Variants in PRKN observed in about 807,000 individuals in gnomAD.
PRKN encodes parkin RBR E3 ubiquitin protein ligase.
Under a neutral mutation model 59.5 loss-of-function variants are expected in PRKN, and 56 were observed. That is an observed-to-expected ratio of 0.94 (90% CI 0.76 to 1.18). PRKN has a LOEUF of 1.18. PRKN is among the 50% of genes most tolerant of loss of function. PRKN has a pLI of 0.00. For missense variants in PRKN, 657 were observed against 596.4 expected (o/e 1.10, Z -1.06); for synonymous variants, 250 against 222.1 (o/e 1.13, Z -1.12).
chr6:161,771,370 A>T (rs1280635698), intron 7 of PRKN, among the ~76,000 whole-genome samples: 2 of 19,022 alleles, frequency 1.1e-4, no homozygotes, highest in Admixed American at 4.3e-4. Flanking sequence ...AAAAAAAAAA[A>T]ATAAAATAAA....
intron 4 of PRKN, among the ~76,000 whole-genome samples, chr6:162,142,432 A>G (rs1781827709): frequency 6.6e-6 from 1 of 152,180 alleles, no homozygotes; most frequent in East Asian, 1.9e-4. Flanking sequence ...AATAATGGAG[A>G]TGAGCATCGT....
In PRKN at chr6:162,253,049, C is replaced by T. The variant is rs117501603; in HGVS notation, c.412+9476G>A. On this transcript the variant is annotated intron_variant, in intron 3 of 11. Coordinates refer to ENST00000366898, the MANE Select transcript of PRKN (RefSeq NM_004562.3). ...GCGGGCAGCCTACCACCTGCGTGTG[C>T]TATTCTGGTGGCCAGGACGCTGTTG... 1.3e-3 allele frequency among the ~76,000 whole-genome samples: 196 copies of T among 152,314 alleles called. 1 individual carries two copies. Among genetic ancestry groups the T allele is most frequent in the Non-Finnish European group, 2.5e-3 (170 of 68,024 alleles).
chr6:162,014,407 C>T (rs1782854626), intron 5 of PRKN, among the ~76,000 whole-genome samples: 1 of 152,186 alleles, frequency 6.6e-6, no homozygotes, highest in African/African-American at 2.4e-5. Context: ...CTTCAGGCGC[C>T]TCTGCAGAGG....
At chr6:161,772,235 C>G (rs1162126398) in intron 7 of PRKN, among the ~76,000 whole-genome samples, 5 of 152,128 alleles carry the variant, frequency 3.3e-5, no homozygotes, top group Non-Finnish European at 5.9e-5. Flanking sequence ...GCCTCAGATA[C>G]ACTTAAATTG....
rs566889020 is a variant in PRKN at position 162,572,123 on chromosome 6, T to C, written c.8-128650A>G. Among the ~76,000 whole-genome samples, 3 of 152,278 alleles carry C rather than the reference T, an allele frequency of 2.0e-5. No homozygotes were observed. In the East Asian group the frequency reaches 5.8e-4, roughly 29 times the overall value. On this transcript the variant is annotated intron_variant, in intron 1 of 11. Coordinates refer to ENST00000366898, the MANE Select transcript of PRKN (RefSeq NM_004562.3). ...AGCTCTGGCCCTCTATTACCCCCTT[T>C]AGGTACTGTCTCACCTGTCCCAAAT...
In PRKN at chr6:161,488,926, C is replaced by G. The variant is rs186370804; in HGVS notation, c.1083+59928G>C. ...AAGGCAATGGAAAATAGAACACAGA[C>G]CCTTGGAGATGAAGAGGTCACGATT... On this transcript the variant is annotated intron_variant, in intron 9 of 11. Transcript: ENST00000366898. The surrounding 1 kb of genome is among the most constrained non-coding windows in gnomAD (Gnocchi z 4.5). Among the ~76,000 whole-genome samples the G allele has an allele frequency of 6.6e-6, 1 of 152,132 alleles. No homozygotes were observed. Among genetic ancestry groups the G allele is most frequent in the Non-Finnish European group, 1.5e-5 (1 of 68,028 alleles).
chr6:161,665,716 A>G (rs953517019), intron 7 of PRKN, among the ~76,000 whole-genome samples: 1 of 152,194 alleles, frequency 6.6e-6, no homozygotes, highest in Non-Finnish European at 1.5e-5. Flanking sequence ...GACTTCCAGT[A>G]GTGATTTTTA....
chr6:162,213,801 CCATACACACACACACACACACACA>C (rs1355578931), intron 3 of PRKN, among the ~76,000 whole-genome samples: 2 of 67,390 alleles, frequency 3.0e-5, no homozygotes, highest in Non-Finnish European at 6.1e-5. Flanking sequence ...CAAAAAAAAA[CCATACACACACACACACACACACA>C]CACACACACA....
At chr6:162,390,673 C>A (rs1264023054) in intron 2 of PRKN, among the ~76,000 whole-genome samples, 3 of 151,914 alleles carry the variant, frequency 2.0e-5, no homozygotes, top group African/African-American at 7.3e-5. Context: ...GAACTCCTGA[C>A]CTCAACTGAT....
intron 4 of PRKN, among the ~76,000 whole-genome samples, chr6:162,133,816 A>C (rs1781466173): frequency 1.3e-5 from 2 of 152,206 alleles, no homozygotes; most frequent in South Asian, 2.1e-4. Context: ...TGACCATGTC[A>C]TTTGGGGATG....
intron 4 of PRKN, among the ~76,000 whole-genome samples, chr6:162,105,149 G>T (rs1433233457): frequency 6.6e-6 from 1 of 152,156 alleles, no homozygotes; most frequent in Non-Finnish European, 1.5e-5. Flanking sequence ...ATATTTTATG[G>T]CTCTAAACGG....
chr6:161,830,264 T>C (rs202146806), intron 6 of PRKN, among the ~76,000 whole-genome samples: 19 of 151,818 alleles, frequency 1.3e-4, no homozygotes, highest in African/African-American at 4.6e-4. Flanking sequence ...TTTGTTTTTT[T>C]TTTTTGAGAT....
intron 2 of PRKN, chr6:162,269,592 T>C (rs1780285450): frequency 6.6e-6 from 1 of 152,226 alleles, no homozygotes; most frequent in Non-Finnish European, 1.5e-5. Flanking sequence ...GATCAGTCTA[T>C]ACTCATTGGC....
At chr6:161,896,614 A>G (rs1450350821) in intron 6 of PRKN, among the ~76,000 whole-genome samples, 2 of 152,224 alleles carry the variant, frequency 1.3e-5, no homozygotes, top group Non-Finnish European at 2.9e-5. Flanking sequence ...ACGGCATGTA[A>G]GAACTAATGG....
At chr6:162,270,714 T>C (rs781138889) in intron 2 of PRKN, 9 of 152,224 alleles carry the variant, frequency 5.9e-5, no homozygotes, top group African/African-American at 1.2e-4. Context: ...CATTTTTACA[T>C]TGAGTTCTTT....
At chr6:162,718,724 A>T (rs989422501) in intron 1 of PRKN, among the ~76,000 whole-genome samples, 1 of 152,114 alleles carries the variant, frequency 6.6e-6, no homozygotes, top group African/African-American at 2.4e-5. Flanking sequence ...AAAAAAAAAA[A>T]ATTTATTCCA....
chr6:162,462,732 T>G (rs1791232532), intron 1 of PRKN, among the ~76,000 whole-genome samples: 1 of 152,140 alleles, frequency 6.6e-6, no homozygotes, highest in Admixed American at 6.5e-5. Context: ...CCAGATAATT[T>G]TAAATCTATC....
intron 9 of PRKN, among the ~76,000 whole-genome samples, chr6:161,430,911 G>T (rs796939218): frequency 6.6e-6 from 1 of 151,258 alleles, no homozygotes. Context: ...CAAGGCAGGC[G>T]GATCACCTGA....
chr6:162,526,299 C>A (rs1319481289), intron 1 of PRKN, among the ~76,000 whole-genome samples: 1 of 144,810 alleles, frequency 6.9e-6, no homozygotes, highest in Non-Finnish European at 1.5e-5. Flanking sequence ...CTACAAAATA[C>A]TTGGTATCAT....
Sources: gnomAD v4.1 joint callset for allele counts (sites outside exome capture counted in the v4.1 genomes callset) on GRCh38, gnomAD v4.1.1 for gene constraint, Gnocchi (gnomAD v3.1) non-coding constraint, MANE v1.5 for transcripts, NCBI Gene and HGNC (gene_info 2026-07-23, HGNC 2026-07-21) for gene names.